GSG1: variants seen among roughly 807,000 people sequenced by gnomAD.
The protein encoded by GSG1 is germ cell associated 1.
GSG1 carries 28 observed loss-of-function variants against 30.8 expected under a neutral mutation model. The observed-to-expected ratio is 0.91, with a 90% CI of 0.67 to 1.25. The LOEUF is 1.25. Among genes scored for constraint, GSG1 ranks in the 50% most tolerant of loss-of-function variants. GSG1 has a pLI of 0.00. For synonymous variants in GSG1, 162 were observed against 178.0 expected (o/e 0.91, Z 0.71); for missense variants, 435 against 444.7 (o/e 0.98, Z 0.20).
chr12:13,089,031 A>C (rs928901717), intron 3 of GSG1, 122 bp from the exon 4 acceptor site: 1 of 1,313,268 alleles, frequency 7.6e-7, no homozygotes, highest in Non-Finnish European at 1.1e-6. Flanking sequence ...CGCATAGAGC[A>C]GGAAAGCAGG....
At chr12:13,097,777 C>T (rs1258678434) in intron 1 of GSG1, among the ~76,000 whole-genome samples, 1 of 152,228 alleles carries the variant, frequency 6.6e-6, no homozygotes, top group East Asian at 1.9e-4. Flanking sequence ...CTGTTCAACT[C>T]ATTTTGGGCT....
chr12:13,094,675 CACTA>C (rs1484481921), intron 1 of GSG1, among the ~76,000 whole-genome samples: 1 of 152,192 alleles, frequency 6.6e-6, no homozygotes, highest in Non-Finnish European at 1.5e-5. Flanking sequence ...AAAACATCTT[CACTA>C]ACTATTTGGT....
At position 13,084,851 on chromosome 12, in the gene GSG1, G is replaced by A. The variant is rs1373032253; in HGVS notation, c.*50C>T. Reference sequence around the variant, plus strand: ...TGGCTTAAGCACATGTTGATAATCAGCAGACGTGTAAGGTAGGGCTCAAGC... The same window carrying A: ...TGGCTTAAGCACATGTTGATAATCAACAGACGTGTAAGGTAGGGCTCAAGC... On this transcript the variant is annotated 3_prime_UTR_variant, in exon 7 of 7. Coordinates refer to ENST00000651961, the MANE Select transcript of GSG1 (RefSeq NM_001080555.4). The A allele has an allele frequency of 7.5e-6, 9 of 1,202,344 alleles. No homozygotes were observed. The South Asian group carries it at 1.2e-4, about 16-fold the overall frequency. 74.5% of individuals were successfully genotyped at this position (1,202,344 alleles called of 1,614,324 possible).
chr12:13,088,900 C>T lies in GSG1; in HGVS notation c.443G>A (p.Cys148Tyr). The change falls in exon 4 of 7, where the codon TGC (cysteine) becomes TAC (tyrosine). Residue 148 changes from cysteine to tyrosine, a missense_variant. By Grantham distance (194) the Cys-to-Tyr change is radical. Coordinates refer to ENST00000651961, the MANE Select transcript of GSG1 (RefSeq NM_001080555.4). ...SGTAAAKGER[C>Y]RSFIELTPPA... ...TGGTGTAAGTTCAATGAAACTTCGGCACCTCTCCCCTGAAACATACAAGGT... is the reference window on the plus strand; with the variant it reads ...TGGTGTAAGTTCAATGAAACTTCGGTACCTCTCCCCTGAAACATACAAGGT... The T allele has an allele frequency of 1.2e-6, 2 of 1,614,148 alleles. No individual in the cohort carries two copies. Among genetic ancestry groups the T allele is most frequent in the South Asian group, 2.2e-5 (2 of 91,078 alleles).
Position 13,087,254 on chromosome 12 carries a change from C to G in GSG1, c.644G>C (p.Gly215Ala). 1 of 1,613,002 alleles carries G rather than the reference C, an allele frequency of 6.2e-7. No individual in the cohort carries two copies. The highest frequency in any genetic ancestry group is 8.5e-7 in the Non-Finnish European group (1 of 1,178,976). Residue 215 changes from glycine (G) to alanine (A), a missense_variant, in exon 6 of 7, where the codon GGG becomes GCG. By Grantham distance (60) the Gly-to-Ala change is moderately conservative (BLOSUM62 0). Coordinates refer to ENST00000651961, the MANE Select transcript of GSG1 (RefSeq NM_001080555.4). ...AVSSVLSGLL[G>A]MVAHMMYSQV... ...TGAATACATCATGTGGGCCACCATC[C>G]CCAGGAGACCTACCAAGGAAACAGG...
At position 13,087,685 on chromosome 12, in the gene GSG1, G is replaced by A. The variant is rs61402483; in HGVS notation, c.634+222C>T. ...ACAATAGATTTTACATATTGAGAAA[G>A]CTTGCAAATAAAGGAACCTAGAGGT... On this transcript the variant is annotated intron_variant, in intron 5 of 6. Coordinates refer to ENST00000651961, the MANE Select transcript of GSG1 (RefSeq NM_001080555.4). Among the ~76,000 whole-genome samples the A allele has an allele frequency of 7.5e-3, 1,139 of 152,332 alleles. 26 individuals carry two copies. Among genetic ancestry groups the A allele is most frequent in the African/African-American group, 0.026 (1,080 of 41,580 alleles).
intron 1 of GSG1, among the ~76,000 whole-genome samples, chr12:13,102,592 C>T (rs778898514): frequency 1.3e-5 from 2 of 152,214 alleles, no homozygotes; most frequent in Non-Finnish European, 2.9e-5. Flanking sequence ...AGAAGTGCCT[C>T]TTAAGTTATC....
intron 1 of GSG1, 70 bp downstream of exon 1, chr12:13,103,395 T>G: frequency 8.8e-7 from 1 of 1,139,016 alleles, no homozygotes; most frequent in Non-Finnish European, 1.3e-6. Flanking sequence ...TAGTGTAACC[T>G]GTGTTACAAA....
chr12:13,086,203 C>G (rs1372609450), intron 6 of GSG1, among the ~76,000 whole-genome samples: 1 of 152,206 alleles, frequency 6.6e-6, no homozygotes, highest in African/African-American at 2.4e-5. Flanking sequence ...CGTTGCCTAG[C>G]CTGAGCTCCA....
chr12:13,085,272 C>T (rs1238162067), intron 6 of GSG1, 29 bp from the exon 7 acceptor site: 7 of 1,564,516 alleles, frequency 4.5e-6, no homozygotes, highest in Non-Finnish European at 6.1e-6. Flanking sequence ...AAAGATTGGA[C>T]AGTAAGAATA....
chr12:13,084,844 A>G lies in GSG1; in HGVS notation c.*57T>C. On this transcript the variant is annotated 3_prime_UTR_variant, in exon 7 of 7. Coordinates refer to ENST00000651961, the MANE Select transcript of GSG1 (RefSeq NM_001080555.4). ...CGGATGTTGGCTTAAGCACATGTTG[A>G]TAATCAGCAGACGTGTAAGGTAGGG... 8.7e-7 allele frequency: 1 copy of G among 1,148,548 alleles called. No homozygotes were observed. Among genetic ancestry groups the G allele is most frequent in the Non-Finnish European group, 1.2e-6 (1 of 810,750 alleles). The allele number at this position is 1,148,548 out of a possible 1,614,324, so 71.1% of individuals were successfully genotyped here.
chr12:13,102,704 C>G (rs1863303978), intron 1 of GSG1, among the ~76,000 whole-genome samples: 1 of 152,210 alleles, frequency 6.6e-6, no homozygotes, highest in African/African-American at 2.4e-5. Context: ...TGTGTATGTG[C>G]TAGTTTGCTG....
At chr12:13,099,758 T>TG (rs1565551244) in intron 1 of GSG1, among the ~76,000 whole-genome samples, 24 of 133,930 alleles carry the variant, frequency 1.8e-4, no homozygotes, top group African/African-American at 6.8e-4. Context: ...TTGTTTTTTT[T>TG]TTTTTTTTTT....
chr12:13,090,870 A>C (rs1447867221), intron 1 of GSG1, 52 bp from the exon 2 acceptor site: 1 of 1,492,408 alleles, frequency 6.7e-7, no homozygotes, highest in Non-Finnish European at 9.2e-7. Flanking sequence ...AGCTTGACTC[A>C]GAGCCGCCTC....
At chr12:13,095,239 T>C (rs559586874) in intron 1 of GSG1, among the ~76,000 whole-genome samples, 4 of 152,318 alleles carry the variant, frequency 2.6e-5, no homozygotes, top group African/African-American at 9.6e-5. Flanking sequence ...ACCTCTTGAA[T>C]TGGAAGAACA....
chr12:13,086,799 T>C (rs1413893259), intron 6 of GSG1, among the ~76,000 whole-genome samples: 1 of 151,446 alleles, frequency 6.6e-6, no homozygotes, highest in Non-Finnish European at 1.5e-5. Context: ...ATACCTTGAA[T>C]CATAAAAAAA....
intron 1 of GSG1, among the ~76,000 whole-genome samples, chr12:13,091,383 G>T (rs1866121805): frequency 2.0e-5 from 3 of 152,152 alleles, no homozygotes; most frequent in Admixed American, 6.5e-5. Context: ...GCCCTTGCTG[G>T]GTTTCCCCAC....
At chr12:13,095,627 G>C in intron 1 of GSG1, 1 of 1,614,192 alleles carries the variant, frequency 6.2e-7, no homozygotes, top group Non-Finnish European at 8.5e-7. Flanking sequence ...CTTGCAGCTT[G>C]TCTGGAAGAA....
rs770532964 is a variant in GSG1 at position 13,095,597 on chromosome 12, A to G, written c.49-4779T>C. 5.6e-6 allele frequency: 9 copies of G among 1,614,174 alleles called. No homozygotes were observed. In the South Asian group the frequency reaches 7.7e-5, roughly 14 times the overall value. ...TGAGCAATAGGAGGGGAAGCCGGTTACCTTGGCCATGGTCAGCGTCTTGCA... is the reference window on the plus strand; with the variant it reads ...TGAGCAATAGGAGGGGAAGCCGGTTGCCTTGGCCATGGTCAGCGTCTTGCA... On this transcript the variant is annotated intron_variant, in intron 1 of 6. Transcript: ENST00000651961.
Sources: allele counts gnomAD v4.1 joint callset (sites outside exome capture counted in the v4.1 genomes callset), GRCh38; gene constraint gnomAD v4.1.1; transcripts MANE v1.5; gene names NCBI Gene and HGNC (gene_info 2026-07-23, HGNC 2026-07-21).